The following CHST10 variants were observed in gnomAD, a reference collection of about 807,000 sequenced individuals.
CHST10 encodes carbohydrate sulfotransferase 10, also known as HNK-1 sulfotransferase.
In CHST10, 24 loss-of-function variants were observed where a neutral mutation model predicts 34.7. The observed-to-expected ratio is 0.69, with a 90% CI of 0.50 to 0.97. The LOEUF is 0.97. CHST10 is among the 50% of genes least tolerant of loss of function. The probability of loss-of-function intolerance (pLI) is 0.00; values close to 1 mark genes in which losing one functional copy is unlikely to be tolerated. For missense variants in CHST10, 402 were observed against 452.1 expected (o/e 0.89, Z 1.00); for synonymous variants, 161 against 169.3 (o/e 0.95, Z 0.38).
Position 100,406,727 on chromosome 2 carries a change from T to C in CHST10, c.-32-20A>G. ...CTCTTCCTGGAAAACACAAGCGAGA[T>C]GCCCCTGCTGCTTACAAATACATCA... On this transcript the variant is annotated intron_variant, in intron 2 of 6. Coordinates refer to ENST00000264249, the MANE Select transcript of CHST10 (RefSeq NM_004854.5). The C allele has an allele frequency of 6.4e-7, 1 of 1,555,884 alleles. No homozygotes were observed. The highest frequency in any genetic ancestry group is 8.7e-7 in the Non-Finnish European group (1 of 1,145,906).
intron 5 of CHST10, among the ~76,000 whole-genome samples, chr2:100,395,911 C>T (rs1573173377): frequency 1.3e-5 from 2 of 152,308 alleles, no homozygotes; most frequent in South Asian, 4.1e-4. Context: ...GGCAATGGAC[C>T]TAACTGGGCT....
chr2:100,412,654 G>T (rs1675893870), intron 2 of CHST10, among the ~76,000 whole-genome samples: 2 of 152,142 alleles, frequency 1.3e-5, no homozygotes, highest in African/African-American at 4.8e-5. Flanking sequence ...TTGTTAAAAT[G>T]CAGACTCTAG....
chr2:100,411,457 C>T (rs187383038), intron 2 of CHST10, among the ~76,000 whole-genome samples: 110 of 152,218 alleles, frequency 7.2e-4, no homozygotes, highest in African/African-American at 2.5e-3. Flanking sequence ...AAGTCACATC[C>T]TACATGAGCC....
chr2:100,408,237 AG>A (rs1302962416), intron 2 of CHST10: 4 of 150,418 alleles, frequency 2.7e-5, no homozygotes, highest in Non-Finnish European at 4.4e-5. Context: ...AGTGTACTGT[AG>A]TTTATCAGCA....
chr2:100,404,496 C>G (rs985921410), intron 3 of CHST10, among the ~76,000 whole-genome samples: 2 of 152,176 alleles, frequency 1.3e-5, no homozygotes, highest in African/African-American at 4.8e-5. Context: ...GGTTTTATCT[C>G]CTAACACTCC....
intron 4 of CHST10, among the ~76,000 whole-genome samples, chr2:100,399,316 C>G (rs1051038317): frequency 7.9e-5 from 12 of 152,230 alleles, no homozygotes; most frequent in African/African-American, 2.6e-4. Context: ...CTGTGTTAGC[C>G]AGGATGGTCT....
chr2:100,415,716 T>A (rs1273592410), intron 1 of CHST10: 1 of 152,294 alleles, frequency 6.6e-6, no homozygotes, highest in Non-Finnish European at 1.5e-5. Context: ...TTTCCTATTA[T>A]GTTGATTGAA....
rs759775312 is a variant in CHST10 at position 100,417,027 on chromosome 2, C to A, written c.-104+347G>T. The A allele has an allele frequency of 4.1e-5, 54 of 1,304,252 alleles. No individual in the cohort carries two copies. The African/African-American group carries it at 7.6e-4, about 18-fold the overall frequency. 80.8% of individuals were successfully genotyped at this position (1,304,252 alleles called of 1,614,324 possible). On this transcript the variant is annotated intron_variant, in intron 1 of 6. Transcript: ENST00000264249. Reference sequence around the variant, plus strand: ...GCTCCTTCTTCCCTGCCTTCCTCTGCATGCTCCTTGGACCCAAGCTGAACC... The same window carrying A: ...GCTCCTTCTTCCCTGCCTTCCTCTGAATGCTCCTTGGACCCAAGCTGAACC...
intron 3 of CHST10, among the ~76,000 whole-genome samples, chr2:100,404,415 G>A (rs1014115220): frequency 1.3e-5 from 2 of 152,178 alleles, no homozygotes; most frequent in Non-Finnish European, 2.9e-5. Context: ...AGATCTCACA[G>A]GCAGTATTAA....
intron 5 of CHST10, among the ~76,000 whole-genome samples, chr2:100,396,106 T>C (rs1675047662): frequency 6.6e-6 from 1 of 152,184 alleles, no homozygotes; most frequent in East Asian, 1.9e-4. Flanking sequence ...AAGCACCACA[T>C]GCCCCTGGCC....
chr2:100,402,657 T>C lies in CHST10; in HGVS notation c.101-2A>G. 1 of 1,613,520 alleles carries C rather than the reference T, an allele frequency of 6.2e-7. No individual in the cohort carries two copies. Among genetic ancestry groups the C allele is most frequent in the Non-Finnish European group, 8.5e-7 (1 of 1,179,520 alleles). ...GAAACTCCTGTTTGGCACTGTACAC[T>C]GGAAGACAGAGAGGTTGAATGTCTT... is the stretch of plus-strand genomic sequence containing the variant. On this transcript the variant is annotated splice_acceptor_variant, in intron 3 of 6. Transcript: ENST00000264249. LOFTEE classifies it high-confidence loss of function.
chr2:100,392,016 G>C lies in CHST10; in HGVS notation c.*1229C>G, dbSNP rs1224075151. The C allele has an allele frequency of 2.0e-5, 3 of 152,830 alleles. No individual in the cohort carries two copies. The highest frequency in any genetic ancestry group is 4.4e-5 in the Non-Finnish European group (3 of 68,160). The allele number at this position is 152,830 out of a possible 1,614,324, so 9.5% of individuals were successfully genotyped here. A position where few individuals can be genotyped will look rare whatever the true frequency, so the allele number is the denominator to read the frequency against. On this transcript the variant is annotated 3_prime_UTR_variant, in exon 7 of 7. Transcript: ENST00000264249. ...AGGCTCAGGCTGGCACTCATCCCAGGAAACTGTCCCAGTTCTCAGCGGTCC... is the reference window on the plus strand; with the variant it reads ...AGGCTCAGGCTGGCACTCATCCCAGCAAACTGTCCCAGTTCTCAGCGGTCC...
At chr2:100,413,280 GCC>G (rs1276091895) in intron 2 of CHST10, among the ~76,000 whole-genome samples, 1 of 152,072 alleles carries the variant, frequency 6.6e-6, no homozygotes, top group Non-Finnish European at 1.5e-5. Context: ...CAGAACCTGA[GCC>G]CCTACACGCC....
intron 2 of CHST10, among the ~76,000 whole-genome samples, chr2:100,412,713 A>T (rs1057247029): frequency 9.2e-5 from 14 of 152,194 alleles, no homozygotes; most frequent in Admixed American, 1.3e-4. Context: ...CCATCTTAAG[A>T]AGGAAAATTG....
At chr2:100,416,688 AAACAAC>A (rs140248946) in intron 1 of CHST10, 15 of 324,564 alleles carry the variant, frequency 4.6e-5, no homozygotes, top group Admixed American at 1.9e-4. Flanking sequence ...TTTTCAGACA[AAACAAC>A]AACAACAACA....
intron 2 of CHST10, among the ~76,000 whole-genome samples, chr2:100,414,813 C>T (rs903710765): frequency 6.6e-6 from 1 of 152,092 alleles, no homozygotes; most frequent in Non-Finnish European, 1.5e-5. Flanking sequence ...ACAGTAAACA[C>T]CTGTATGGGG....
chr2:100,398,053 A>T lies in CHST10; in HGVS notation c.282T>A (p.Asp94Glu). ...RLELIRNVCR[D>E]DALKNLSHTP... ...TGTGCGAGAGATTCTTCAGGGCATC[A>T]TCCCTGCAGACGTTTCTGATGAGTT... Residue 94 changes from aspartate to glutamate, a missense_variant, in exon 5 of 7, where the codon GAT (aspartate) becomes GAA (glutamate). Coordinates refer to ENST00000264249, the MANE Select transcript of CHST10 (RefSeq NM_004854.5). 6.2e-7 allele frequency: 1 copy of T among 1,614,204 alleles called. No individual in the cohort carries two copies. The highest frequency in any genetic ancestry group is 8.5e-7 in the Non-Finnish European group (1 of 1,180,030).
chr2:100,408,849 C>A (rs1295451382), intron 2 of CHST10, among the ~76,000 whole-genome samples: 17 of 151,608 alleles, frequency 1.1e-4, no homozygotes, highest in Admixed American at 1.1e-3. Context: ...GTGAGAGCAC[C>A]CCCCTGAAAA....
At chr2:100,393,842 G>T in intron 6 of CHST10, 60 bp from the exon 7 acceptor site, 3 of 1,403,120 alleles carry the variant, frequency 2.1e-6, no homozygotes, top group Non-Finnish European at 3.0e-6. Flanking sequence ...AGCTGAGGGG[G>T]CGGGAGAGGG....
Sources: gnomAD v4.1 joint callset for allele counts (sites outside exome capture counted in the v4.1 genomes callset) on GRCh38, gnomAD v4.1.1 for gene constraint, MANE v1.5 for transcripts, NCBI Gene and HGNC (gene_info 2026-07-23, HGNC 2026-07-21) for gene names.